Variants in GRIA3 observed in about 807,000 individuals in gnomAD.
The protein encoded by GRIA3 is glutamate receptor 3.
Under a neutral mutation model 63.0 loss-of-function variants are expected in GRIA3, and 3 were observed. The observed-to-expected ratio is 0.05, with a 90% CI of 0.02 to 0.12. The LOEUF (loss-of-function observed/expected upper bound fraction) is 0.12, where lower values mean the gene tolerates loss of function less well. Ranked by LOEUF, GRIA3 falls within the 10% of genes least tolerant of loss-of-function variation. GRIA3 has a pLI of 1.00. For missense variants in GRIA3, 347 were observed against 700.9 expected, an observed-to-expected ratio of 0.50 and a Z score of 5.70; for synonymous variants, 274 against 257.9, an observed-to-expected ratio of 1.06 and a Z score of -0.60.
intron 2 of GRIA3, among the ~76,000 whole-genome samples, chrX:123,211,183 A>G (rs1295815699): frequency 8.9e-6 from 1 of 111,850 alleles, no homozygotes; most frequent in African/African-American, 3.2e-5. Flanking sequence ...GACACTCAAA[A>G]AAATGTAAAA....
rs773295888 is a variant in GRIA3, at chrX:123,236,067, C to A, written c.269-17236C>A. Among the ~76,000 whole-genome samples the A allele has an allele frequency of 1.1e-4, 12 of 111,400 alleles. No homozygotes were observed. The South Asian group carries it at 4.5e-3, about 42-fold the overall frequency. ...TCTCCGGGCTCAACAGACCAAAAGACCCTTTCATAACTAAAGAAATACACG... is the reference window on the plus strand; with the variant it reads ...TCTCCGGGCTCAACAGACCAAAAGAACCTTTCATAACTAAAGAAATACACG... On this transcript the variant is annotated intron_variant, in intron 2 of 15. Coordinates refer to ENST00000620443, the MANE Select transcript of GRIA3 (RefSeq NM_007325.5).
chrX:123,439,586 T>C (rs2045662324), intron 12 of GRIA3, among the ~76,000 whole-genome samples: 1 of 110,084 alleles, frequency 9.1e-6, no homozygotes, highest in Admixed American at 9.9e-5. Flanking sequence ...TTATTTTGTT[T>C]TTTTTTTTAA....
At chrX:123,287,571 A>G (rs1166169261) in intron 3 of GRIA3, among the ~76,000 whole-genome samples, 3 of 112,258 alleles carry the variant, frequency 2.7e-5, no homozygotes, top group African/African-American at 9.7e-5. Flanking sequence ...GCAAAGTCTC[A>G]GGATACAAAA....
chrX:123,410,820 C>A (rs1472723314), intron 10 of GRIA3, among the ~76,000 whole-genome samples: 2 of 111,644 alleles, frequency 1.8e-5, no homozygotes, highest in African/African-American at 6.5e-5. Flanking sequence ...ATATTTCCAG[C>A]TAAACGTAGT....
chrX:123,244,426 AATAACTC>A (rs1419321809), intron 2 of GRIA3, among the ~76,000 whole-genome samples: 5 of 112,234 alleles, frequency 4.5e-5, no homozygotes, highest in Non-Finnish European at 9.4e-5. Flanking sequence ...GCTAAACACA[AATAACTC>A]ATTAAAGGGC....
At chrX:123,185,213 G>C (rs1011052769) in intron 1 of GRIA3, among the ~76,000 whole-genome samples, 1 of 111,737 alleles carries the variant, frequency 8.9e-6, no homozygotes, top group African/African-American at 3.3e-5. Flanking sequence ...GTGAGACTAG[G>C]AGCTGAGCGG....
chrX:123,446,214 A>C (rs891163384), intron 12 of GRIA3, among the ~76,000 whole-genome samples: 22 of 112,384 alleles, frequency 2.0e-4, no homozygotes, highest in African/African-American at 6.5e-4. Context: ...AATGTTCTGC[A>C]TTCCTTGATT....
Position 123,326,231 on chromosome X carries a change from TTC to T in GRIA3, c.696+19_696+20del, listed in dbSNP as rs757336570. ...TGGAACAGGTACGTTTGAGATTTATTTCACCGCCAGCCAACATGTTAAATTAT... is the reference window on the plus strand; with the variant it reads ...TGGAACAGGTACGTTTGAGATTTATTACCGCCAGCCAACATGTTAAATTAT... On this transcript the variant is annotated intron_variant, in intron 4 of 15. Coordinates refer to ENST00000620443, the MANE Select transcript of GRIA3 (RefSeq NM_007325.5). 5.2e-6 allele frequency: 6 copies of T among 1,164,563 alleles called. No individual in the cohort carries two copies. In the Admixed American group the frequency reaches 1.3e-4, roughly 25 times the overall value.
intron 4 of GRIA3, among the ~76,000 whole-genome samples, chrX:123,326,936 A>G: frequency 9.1e-6 from 1 of 110,275 alleles, no homozygotes. Context: ...CTTTAAAATA[A>G]CAATTTTTTT....
chrX:123,216,669 C>T (rs920574160), intron 2 of GRIA3, among the ~76,000 whole-genome samples: 1 of 111,744 alleles, frequency 8.9e-6, no homozygotes, highest in Non-Finnish European at 1.9e-5. Context: ...TCCACCACCA[C>T]CACCACTGAG....
intron 12 of GRIA3, among the ~76,000 whole-genome samples, chrX:123,459,590 G>A (rs886338420): frequency 9.0e-6 from 1 of 111,572 alleles, no homozygotes; most frequent in Non-Finnish European, 1.9e-5. Flanking sequence ...TAATTATCTA[G>A]CAGTGCTTGA....
intron 12 of GRIA3, among the ~76,000 whole-genome samples, chrX:123,455,730 C>CA (rs1461739342): frequency 2.7e-5 from 3 of 111,640 alleles, no homozygotes; most frequent in South Asian, 7.5e-4. Context: ...GGACAAGAAG[C>CA]AAAAAATGTT....
chrX:123,415,068 T>A (rs1488171435), intron 10 of GRIA3, among the ~76,000 whole-genome samples: 2 of 112,216 alleles, frequency 1.8e-5, no homozygotes, highest in African/African-American at 6.5e-5. Flanking sequence ...TTTCTCCACA[T>A]CCTCTCCAGC....
intron 2 of GRIA3, among the ~76,000 whole-genome samples, chrX:123,234,526 G>A (rs1480094019): frequency 2.7e-5 from 3 of 111,763 alleles, no homozygotes; most frequent in African/African-American, 9.7e-5. Context: ...GCTTCTTAGA[G>A]GAAATTACAT....
At chrX:123,227,905 A>G (rs927676566) in intron 2 of GRIA3, among the ~76,000 whole-genome samples, 9 of 112,001 alleles carry the variant, frequency 8.0e-5, no homozygotes, top group African/African-American at 2.9e-4. Flanking sequence ...ACTGAAGCCA[A>G]CTTGCCAATG....
chrX:123,466,569 T>G (rs1237026891), intron 13 of GRIA3, among the ~76,000 whole-genome samples: 1 of 111,957 alleles, frequency 8.9e-6, no homozygotes, highest in African/African-American at 3.2e-5. Flanking sequence ...CTTTGACTTC[T>G]AATGCTCTTT....
At chrX:123,259,927 G>T (rs955843195) in intron 3 of GRIA3, among the ~76,000 whole-genome samples, 1 of 111,284 alleles carries the variant, frequency 9.0e-6, no homozygotes, top group African/African-American at 3.3e-5. Flanking sequence ...TCCCTATCCT[G>T]GTTGTCTTCC....
At chrX:123,470,463 T>C (rs1007730897) in intron 13 of GRIA3, among the ~76,000 whole-genome samples, 6 of 112,018 alleles carry the variant, frequency 5.4e-5, no homozygotes, top group African/African-American at 1.9e-4. Context: ...TTAAGGTACC[T>C]AAAAAGAGTT....
chrX:123,365,177 C>T (rs971604235), intron 5 of GRIA3, among the ~76,000 whole-genome samples: 3 of 111,658 alleles, frequency 2.7e-5, no homozygotes, highest in Admixed American at 9.5e-5. Context: ...AATCATTTCA[C>T]ATTGTATATG....
Sources: allele counts gnomAD v4.1 joint callset (sites outside exome capture counted in the v4.1 genomes callset), GRCh38; gene constraint gnomAD v4.1.1; transcripts MANE v1.5; gene names NCBI Gene and HGNC (gene_info 2026-07-23, HGNC 2026-07-21).